The following PRTG variants were observed in gnomAD, a reference collection of about 807,000 sequenced individuals.
PRTG encodes the protein immunoglobulin superfamily, DCC subclass, member 5.
A neutral mutation model predicts 122.5 loss-of-function variants in PRTG; 67 were observed. That is an observed-to-expected ratio of 0.55 (90% CI 0.45 to 0.67). The LOEUF (loss-of-function observed/expected upper bound fraction) is 0.67, where lower values mean the gene tolerates loss of function less well. Among genes scored for constraint, PRTG ranks in the 30% least tolerant of loss-of-function variants. The pLI, the probability that PRTG is intolerant of heterozygous loss-of-function variation, is 0.00. For synonymous variants in PRTG, 554 were observed against 501.1 expected, an observed-to-expected ratio of 1.11 and a Z score of -1.41; for missense variants, 1,435 against 1,415.4, an observed-to-expected ratio of 1.01 and a Z score of -0.22.
chr15:55,657,842 A>G (rs1254986178), intron 11 of PRTG, among the ~76,000 whole-genome samples: 1 of 152,186 alleles, frequency 6.6e-6, no homozygotes, highest in East Asian at 1.9e-4. Context: ...ATTCAATTTA[A>G]AATTACTTTT....
At chr15:55,714,376 AC>A (rs1209101726) in intron 2 of PRTG, among the ~76,000 whole-genome samples, 1 of 150,712 alleles carries the variant, frequency 6.6e-6, no homozygotes, top group East Asian at 2.0e-4. Flanking sequence ...ACAGATGTGC[AC>A]CCCCACCCCC....
At chr15:55,630,479 C>G (rs1321626043) in intron 15 of PRTG, among the ~76,000 whole-genome samples, 3 of 152,176 alleles carry the variant, frequency 2.0e-5, no homozygotes, top group African/African-American at 7.2e-5. Context: ...CACAGTTACG[C>G]AGGAACCTCA....
intron 17 of PRTG, among the ~76,000 whole-genome samples, chr15:55,625,236 T>C (rs940351884): frequency 3.9e-5 from 6 of 152,190 alleles, no homozygotes; most frequent in African/African-American, 1.4e-4. Context: ...CTGCTAAAAA[T>C]TTAGCCAAAG....
Position 55,611,842 on chromosome 15 carries a change from T to C in PRTG, c.*8170A>G, listed in dbSNP as rs1219576151. 2 of 152,052 alleles carry C rather than the reference T, an allele frequency of 1.3e-5. No homozygotes were observed. The highest frequency in any genetic ancestry group is 4.8e-5 in the African/African-American group (2 of 41,420). The allele number at this position is 152,052 out of a possible 1,614,324, so 9.4% of individuals were successfully genotyped here. On this transcript the variant is annotated 3_prime_UTR_variant, in exon 20 of 20. Coordinates refer to ENST00000389286, the MANE Select transcript of PRTG (RefSeq NM_173814.6). ...CGTGCAATGGCATTCACAGAACTGA[T>C]CCCCTGAGTCAAGTATAAAATTAAT...
In PRTG at chr15:55,620,280, G is replaced by A. The variant is rs1397116741; in HGVS notation, c.3199-14C>T. 5 of 1,612,782 alleles carry A rather than the reference G, an allele frequency of 3.1e-6. No homozygotes were observed. Among genetic ancestry groups the A allele is most frequent in the African/African-American group, 1.3e-5 (1 of 74,928 alleles). On this transcript the variant is annotated splice_polypyrimidine_tract_variant and intron_variant, in intron 19 of 19. Transcript: ENST00000389286. ...TCTTCTTTGAGGCTAGGCAAAAAAAGATAAGATGGCAATGAGATACCAGAC... is the reference window on the plus strand; with the variant it reads ...TCTTCTTTGAGGCTAGGCAAAAAAAAATAAGATGGCAATGAGATACCAGAC...
Position 55,739,255 on chromosome 15 carries a change from G to A in PRTG, c.397+1127C>T, listed in dbSNP as rs1196229472. ...ACTACTATTTCCTAAATATTATGGT[G>A]GTTTTGTATTTTTTTTTTTTTTTCC... On this transcript the variant is annotated intron_variant, in intron 2 of 19. Transcript: ENST00000389286. Among the ~76,000 whole-genome samples the A allele has an allele frequency of 3.7e-5, 5 of 133,958 alleles. No homozygotes were observed. The East Asian group carries it at 8.1e-4, about 22-fold the overall frequency. 87.9% of individuals were successfully genotyped at this position (133,958 alleles called of 152,430 possible). A position where few individuals can be genotyped will look rare whatever the true frequency, so the allele number is the denominator to read the frequency against.
Position 55,679,349 on chromosome 15 carries a change from T to C in PRTG, c.1070A>G (p.Lys357Arg), listed in dbSNP as rs758742556. Residue 357 changes from lysine (K) to arginine (R), a missense_variant, in exon 7 of 20, where the codon AAG becomes AGG. Lys to Arg is a conservative substitution (Grantham distance 26). Coordinates refer to ENST00000389286, the MANE Select transcript of PRTG (RefSeq NM_173814.6). ...VCQAEGIPSP[K>R]MSWLKNGRKI... ...CCTTCCATTTTTCAACCATGACATC[T>C]TGGGAGAGGGGATTCCTTCTGCCTG... is the stretch of plus-strand genomic sequence containing the variant. 1.4e-5 allele frequency: 22 copies of C among 1,613,194 alleles called. No individual in the cohort carries two copies. Among genetic ancestry groups the C allele is most frequent in the African/African-American group, 4.0e-5 (3 of 74,898 alleles).
At chr15:55,704,813 A>G (rs556224093) in intron 2 of PRTG, among the ~76,000 whole-genome samples, 1 of 152,350 alleles carries the variant, frequency 6.6e-6, no homozygotes, top group African/African-American at 2.4e-5. Flanking sequence ...TTAAAAAGCA[A>G]GCCAATTTAA....
At chr15:55,656,439 A>T in intron 11 of PRTG, 1 of 429,836 alleles carries the variant, frequency 2.3e-6, no homozygotes, top group African/African-American at 2.1e-5. Flanking sequence ...AAAAATCTAT[A>T]ATCTATAATC....
At chr15:55,653,268 T>C (rs1200784903) in intron 11 of PRTG, among the ~76,000 whole-genome samples, 2 of 152,054 alleles carry the variant, frequency 1.3e-5, no homozygotes, top group Non-Finnish European at 2.9e-5. Context: ...AGAGTACTTG[T>C]CTAAACCTGA....
At position 55,619,080 on chromosome 15, in the gene PRTG, G is replaced by A. The variant is rs2059152949; in HGVS notation, c.*932C>T. The A allele has an allele frequency of 6.6e-6, 1 of 152,096 alleles. No homozygotes were observed. The highest frequency in any genetic ancestry group is 6.6e-5 in the Admixed American group (1 of 15,258). 9.4% of individuals were successfully genotyped at this position (152,096 alleles called of 1,614,324 possible). A position where few individuals can be genotyped will look rare whatever the true frequency, so the allele number is the denominator to read the frequency against. On this transcript the variant is annotated 3_prime_UTR_variant, in exon 20 of 20. Transcript: ENST00000389286. ...TGCAACTAATACTGGCAAAGTTGAGGATGCTTTGCAAACTAGACAGTGCAG... is the reference window on the plus strand; with the variant it reads ...TGCAACTAATACTGGCAAAGTTGAGAATGCTTTGCAAACTAGACAGTGCAG...
intron 2 of PRTG, among the ~76,000 whole-genome samples, chr15:55,724,894 A>C (rs2141874026): frequency 6.6e-6 from 1 of 152,362 alleles, no homozygotes; most frequent in South Asian, 2.1e-4. Context: ...ATTACCATTG[A>C]CCTACTCTAA....
intron 2 of PRTG, among the ~76,000 whole-genome samples, chr15:55,702,132 A>G (rs1225825735): frequency 6.6e-6 from 1 of 152,236 alleles, no homozygotes; most frequent in Non-Finnish European, 1.5e-5. Flanking sequence ...TAAAAAACAG[A>G]AAAGATTCTA....
chr15:55,711,797 A>G (rs2030399060), intron 2 of PRTG, among the ~76,000 whole-genome samples: 1 of 152,192 alleles, frequency 6.6e-6, no homozygotes, highest in Non-Finnish European at 1.5e-5. Context: ...AGACAATAAT[A>G]TATACTTACA....
At chr15:55,723,944 G>C (rs2030931165) in intron 2 of PRTG, among the ~76,000 whole-genome samples, 1 of 151,778 alleles carries the variant, frequency 6.6e-6, no homozygotes, top group South Asian at 2.1e-4. Context: ...GTAGAGGTGG[G>C]GTTTCACCAT....
At chr15:55,703,443 C>A (rs540406354) in intron 2 of PRTG, among the ~76,000 whole-genome samples, 1 of 152,154 alleles carries the variant, frequency 6.6e-6, no homozygotes, top group African/African-American at 2.4e-5. Flanking sequence ...GCTTGACAGG[C>A]AACTAGGGTG....
At chr15:55,637,069 A>T (rs1271079676) in intron 15 of PRTG, 101 bp downstream of exon 15, 1 of 1,068,972 alleles carries the variant, frequency 9.4e-7, no homozygotes, top group Non-Finnish European at 1.3e-6. Flanking sequence ...TTCATACATA[A>T]AAATGTAAAT....
chr15:55,677,858 C>T lies in PRTG; in HGVS notation c.1320G>A (p.Glu440=), dbSNP rs1444861589. The change falls in exon 8 of 20, where the codon GAG becomes GAA. Residue 440 remains glutamate (E), a synonymous_variant. Transcript: ENST00000389286. ...CTTTGTCTGAATTATAAAGTGGCCT[C>T]TCCCAGGCTAAAAGAATGGCTGAGC... is the stretch of plus-strand genomic sequence containing the variant. ...MSSSAILLAW[E]RPLYNSDKVI... 1 of 1,613,904 alleles carries T rather than the reference C, an allele frequency of 6.2e-7. No individual in the cohort carries two copies. Among genetic ancestry groups the T allele is most frequent in the Non-Finnish European group, 8.5e-7 (1 of 1,179,840 alleles).
intron 15 of PRTG, among the ~76,000 whole-genome samples, chr15:55,630,324 T>G (rs1318124348): frequency 6.6e-6 from 1 of 151,856 alleles, no homozygotes; most frequent in Non-Finnish European, 1.5e-5. Flanking sequence ...GATTTCACCA[T>G]GTTGGCCAGG....
Sources: gnomAD v4.1 joint callset for allele counts (sites outside exome capture counted in the v4.1 genomes callset) on GRCh38, gnomAD v4.1.1 for gene constraint, MANE v1.5 for transcripts, NCBI Gene and HGNC (gene_info 2026-07-23, HGNC 2026-07-21) for gene names.